ZFYVE26: variants seen among roughly 807,000 people sequenced by gnomAD.
The protein encoded by ZFYVE26 is zinc finger FYVE domain-containing protein 26.
ZFYVE26 carries 181 observed loss-of-function variants against 276.5 expected under a neutral mutation model. The observed-to-expected ratio is 0.65, with a 90% CI of 0.58 to 0.74. The LOEUF (loss-of-function observed/expected upper bound fraction) is 0.74, where lower values mean the gene tolerates loss of function less well. Ranked by LOEUF, ZFYVE26 falls within the 30% of genes least tolerant of loss-of-function variation. The pLI is 0.00. For synonymous variants in ZFYVE26, 1,129 were observed against 1,203.1 expected (o/e 0.94, Z 1.27); for missense variants, 2,821 against 3,097.9 (o/e 0.91, Z 2.12).
Position 67,746,877 on chromosome 14 carries a change from A to C in ZFYVE26, c.*1559T>G, listed in dbSNP as rs1190199430. 6.6e-6 allele frequency: 1 copy of C among 152,654 alleles called. No homozygotes were observed. The highest frequency in any genetic ancestry group is 1.9e-4 in the East Asian group (1 of 5,202). The allele number at this position is 152,654 out of a possible 1,614,324, so 9.5% of individuals were successfully genotyped here. ...TACGTTCTATGACTCAAGGAAGGAA[A>C]AGCCAAACTTTAGCCCAAATGGGTC... On this transcript the variant is annotated 3_prime_UTR_variant, in exon 42 of 42. Coordinates refer to ENST00000347230, the MANE Select transcript of ZFYVE26 (RefSeq NM_015346.4).
intron 3 of ZFYVE26, among the ~76,000 whole-genome samples, chr14:67,810,840 G>A (rs2040284497): frequency 6.6e-6 from 1 of 152,146 alleles, no homozygotes; most frequent in African/African-American, 2.4e-5. Flanking sequence ...TTTATTGGAA[G>A]GCAAGGAACA....
At chr14:67,762,095 AG>A in intron 34 of ZFYVE26, 107 bp downstream of exon 34, 2 of 1,366,474 alleles carry the variant, frequency 1.5e-6, no homozygotes, top group Admixed American at 3.6e-5. Flanking sequence ...CTTGATGCTG[AG>A]CCAGGACTGA....
chr14:67,804,194 G>A lies in ZFYVE26; in HGVS notation c.1342C>T (p.Leu448Phe), dbSNP rs111463514. The A allele has an allele frequency of 2.4e-5, 38 of 1,614,206 alleles. No homozygotes were observed. Among genetic ancestry groups the A allele is most frequent in the African/African-American group, 8.0e-5 (6 of 75,044 alleles). The stretch of plus-strand genomic sequence containing the variant: ...GCTGGAAGGTTTGTAAGGTGATGGA[G>A]AGTGTAGAGCACTGAGTGGCTGTCT... Reference protein sequence around the residue: ...GGDSHSVLYTLHHLTNLPALR... With the variant: ...GGDSHSVLYTFHHLTNLPALR... The change falls in exon 9 of 42, where the codon CTC (leucine) becomes TTC (phenylalanine). Residue 448 changes from leucine (L) to phenylalanine (F), a missense_variant. Leu to Phe is a conservative substitution (Grantham distance 22). Transcript: ENST00000347230.
Position 67,781,371 on chromosome 14 carries a change from G to T in ZFYVE26, c.4531C>A (p.Leu1511Ile), listed in dbSNP as rs1297799222. Residue 1511 changes from leucine to isoleucine, a missense_variant, in exon 22 of 42, where the codon CTA becomes ATA. Physicochemically the swap from Leu to Ile is conservative, Grantham distance 5 (BLOSUM62 2). Coordinates refer to ENST00000347230, the MANE Select transcript of ZFYVE26 (RefSeq NM_015346.4). ...TAVQEGLKCELQRKLAELQVY... is the reference protein window; with the variant it reads ...TAVQEGLKCEIQRKLAELQVY... ...TGCAGCTCCGCCAGCTTCCTCTGTA[G>T]CTCACACTTTAGTCCTTCTTGGACA... 6.2e-7 allele frequency: 1 copy of T among 1,614,170 alleles called. No homozygotes were observed. Among genetic ancestry groups the T allele is most frequent in the Non-Finnish European group, 8.5e-7 (1 of 1,180,042 alleles).
chr14:67,790,826 A>G (rs1363103542), intron 14 of ZFYVE26, 53 bp from the exon 15 acceptor site: 2 of 1,531,110 alleles, frequency 1.3e-6, no homozygotes, highest in African/African-American at 2.7e-5. Context: ...GATTTAGGGA[A>G]TGTCCATGGA....
intron 35 of ZFYVE26, chr14:67,760,932 C>T: frequency 2.5e-6 from 1 of 400,500 alleles, no homozygotes; most frequent in South Asian, 3.2e-5. Context: ...TGGTTACTTC[C>T]TGGCCCTTGT....
chr14:67,796,086 G>A (rs1184671932), intron 12 of ZFYVE26: 1 of 152,176 alleles, frequency 6.6e-6, no homozygotes, highest in African/African-American at 2.4e-5. Context: ...AGGGAGAGAA[G>A]GATGGGGAGA....
chr14:67,768,061 G>A (rs1282077041), intron 30 of ZFYVE26, among the ~76,000 whole-genome samples: 4 of 152,088 alleles, frequency 2.6e-5, no homozygotes, highest in Admixed American at 6.5e-5. Context: ...TATTTGTCAC[G>A]TAACCTTCTT....
chr14:67,779,639 A>T lies in ZFYVE26; in HGVS notation c.4674+602T>A, dbSNP rs2039442974. On this transcript the variant is annotated intron_variant, in intron 23 of 41. Coordinates refer to ENST00000347230, the MANE Select transcript of ZFYVE26 (RefSeq NM_015346.4). ...AATGGGAACTGCGAGTGGGAGTGTA[A>T]CTGGGGTGAGTGTTTTGAAGTGTGA... 2.6e-5 allele frequency among the ~76,000 whole-genome samples: 4 copies of T among 152,306 alleles called. No individual in the cohort carries two copies. In the South Asian group the frequency reaches 6.2e-4, roughly 24 times the overall value.
intron 14 of ZFYVE26, among the ~76,000 whole-genome samples, chr14:67,792,068 A>G (rs896859166): frequency 6.7e-6 from 1 of 149,614 alleles, no homozygotes; most frequent in Non-Finnish European, 1.5e-5. Flanking sequence ...TCAAAAAAAA[A>G]AAAAAAGAAA....
chr14:67,794,941 C>A (rs2039916690), intron 12 of ZFYVE26, among the ~76,000 whole-genome samples: 1 of 151,986 alleles, frequency 6.6e-6, no homozygotes, highest in Non-Finnish European at 1.5e-5. Context: ...AGAGCAAGAC[C>A]CTATCTGTAT....
At chr14:67,764,773 G>A (rs764226462) in intron 32 of ZFYVE26, among the ~76,000 whole-genome samples, 2 of 152,126 alleles carry the variant, frequency 1.3e-5, no homozygotes, top group Non-Finnish European at 2.9e-5. Context: ...TCAAAGACGC[G>A]CAAGACACCT....
At position 67,813,076 on chromosome 14, in the gene ZFYVE26, C is replaced by T. The variant is rs117262915; in HGVS notation, c.273+910G>A. 8.5e-5 allele frequency among the ~76,000 whole-genome samples: 13 copies of T among 152,218 alleles called. No individual in the cohort carries two copies. In the East Asian group the frequency reaches 1.2e-3, roughly 14 times the overall value. On this transcript the variant is annotated intron_variant, in intron 3 of 41. Coordinates refer to ENST00000347230, the MANE Select transcript of ZFYVE26 (RefSeq NM_015346.4). ...TACTTTTTGACAGCTCTGTGAGGAA[C>T]GATAAATATCATGCAAAAGTGGAAC...
At chr14:67,751,162 A>G (rs975668836) in intron 40 of ZFYVE26, 66 bp from the exon 41 acceptor site, 19 of 1,575,650 alleles carry the variant, frequency 1.2e-5, no homozygotes, top group Middle Eastern at 1.7e-4. Context: ...CCAGGGCCCA[A>G]CCCAGCCTCA....
Position 67,799,482 on chromosome 14 carries a change from CCATT to C in ZFYVE26, c.1640-864_1640-861del, listed in dbSNP as rs1484723027. 1.1e-5 allele frequency: 18 copies of C among 1,609,114 alleles called. No homozygotes were observed. In the Admixed American group the frequency reaches 3.0e-4, roughly 27 times the overall value. On this transcript the variant is annotated intron_variant, in intron 10 of 41. Coordinates refer to ENST00000347230, the MANE Select transcript of ZFYVE26 (RefSeq NM_015346.4). ...GAAGGCGTGGATAGCCTGAAGGCAG[CCATT>C]CAGAGCAGACAAAAGGATCGGCAAA...
downstream of ZFYVE26, among the ~76,000 whole-genome samples, chr14:67,743,355 G>C (rs1021674019): frequency 1.3e-5 from 2 of 151,948 alleles, no homozygotes; most frequent in African/African-American, 2.4e-5. Flanking sequence ...GCCCAGCCTT[G>C]TTGTGCACAC....
intron 9 of ZFYVE26, among the ~76,000 whole-genome samples, chr14:67,803,558 G>T (rs1292192888): frequency 6.6e-6 from 1 of 152,082 alleles, no homozygotes; most frequent in Non-Finnish European, 1.5e-5. Context: ...GGCCAGGCTG[G>T]TCTTGAACTC....
At chr14:67,772,268 G>C in intron 27 of ZFYVE26, 58 bp from the exon 28 acceptor site, 1 of 1,556,382 alleles carries the variant, frequency 6.4e-7, no homozygotes, top group African/African-American at 1.4e-5. Context: ...GCTTATAGAT[G>C]AAGAGGGAAT....
intron 33 of ZFYVE26, 109 bp from the exon 34 acceptor site, chr14:67,762,521 C>G: frequency 6.5e-7 from 1 of 1,528,432 alleles, no homozygotes; most frequent in Non-Finnish European, 8.9e-7. Flanking sequence ...CCACTATCTG[C>G]CATTACTTCT....
Sources: allele counts gnomAD v4.1 joint callset (sites outside exome capture counted in the v4.1 genomes callset), GRCh38; gene constraint gnomAD v4.1.1; transcripts MANE v1.5; gene names NCBI Gene and HGNC (gene_info 2026-07-23, HGNC 2026-07-21).